Variants in RYR2 observed in about 807,000 individuals in gnomAD.
RYR2 encodes the protein ryanodine receptor 2, also known as cardiac muscle ryanodine receptor-calcium release channel.
In RYR2, 227 loss-of-function variants were observed where a neutral mutation model predicts 601.1. The observed-to-expected ratio is 0.38, with a 90% CI of 0.34 to 0.42. The LOEUF (loss-of-function observed/expected upper bound fraction) is 0.42. Ranked by LOEUF, RYR2 falls within the 10% of genes least tolerant of loss-of-function variation. RYR2 has a pLI of 1.00. For missense variants in RYR2, 4,646 were observed against 6,156.5 expected (o/e 0.75, Z 8.21); for synonymous variants, 2,223 against 2,175.1 (o/e 1.02, Z -0.61).
intron 2 of RYR2, among the ~76,000 whole-genome samples, chr1:237,275,119 C>A (rs564057934): frequency 2.0e-5 from 3 of 151,418 alleles, no homozygotes; most frequent in African/African-American, 7.3e-5. Flanking sequence ...CACATACACA[C>A]CGCACACATA....
intron 1 of RYR2, among the ~76,000 whole-genome samples, chr1:237,068,647 C>CA (rs967775585): frequency 1.3e-5 from 2 of 151,996 alleles, no homozygotes; most frequent in African/African-American, 2.4e-5. Context: ...CTGACTTTTG[C>CA]AAAAATGGGT....
chr1:237,826,852 G>C (rs12067535), intron 101 of RYR2, among the ~76,000 whole-genome samples: 13,957 of 152,132 alleles, frequency 0.092, 762 homozygotes, highest in Middle Eastern at 0.18. Flanking sequence ...TAAGTCTAAG[G>C]AACTTGGCCA....
Position 237,610,803 on chromosome 1 carries a change from C to A in RYR2, c.4725C>A (p.His1575Gln). ...CGGCGGGATTATTCAAGAGTGAGCACAAGAACCCCGTGCCGCAGTGCCCCC... is the reference window on the plus strand; with the variant it reads ...CGGCGGGATTATTCAAGAGTGAGCAAAAGAACCCCGTGCCGCAGTGCCCCC... ...PLSAGLFKSEHKNPVPQCPPR... is the reference protein window; with the variant it reads ...PLSAGLFKSEQKNPVPQCPPR... The change falls in exon 36 of 105, where the codon CAC becomes CAA. Residue 1575 changes from histidine (H) to glutamine (Q), a missense_variant. Physicochemically the swap from His to Gln is conservative, Grantham distance 24. Transcript: ENST00000366574. This position sits in a 1 kb window ranked among gnomAD's most constrained non-coding sequence, Gnocchi z 4.9. The A allele has an allele frequency of 6.2e-7, 1 of 1,610,482 alleles. No homozygotes were observed.
At chr1:237,192,974 A>G (rs1463357295) in intron 1 of RYR2, among the ~76,000 whole-genome samples, 1 of 152,030 alleles carries the variant, frequency 6.6e-6, no homozygotes. Context: ...TCCGTGGGCA[A>G]GGTAACACCT....
At chr1:237,414,517 T>G (rs2150015378) in intron 10 of RYR2, among the ~76,000 whole-genome samples, 1 of 152,288 alleles carries the variant, frequency 6.6e-6, no homozygotes, top group South Asian at 2.1e-4. Context: ...TATTATGGGG[T>G]AGAATACGAT....
chr1:237,471,889 T>C (rs1660767469), intron 17 of RYR2, among the ~76,000 whole-genome samples: 1 of 152,110 alleles, frequency 6.6e-6, no homozygotes, highest in Admixed American at 6.5e-5. Context: ...TCTAACATTC[T>C]TACTTTAGAG....
At chr1:237,395,686 ACAGGCACCCGCCACCACGCCTGG>A (rs1702787826) in intron 10 of RYR2, among the ~76,000 whole-genome samples, 1 of 151,606 alleles carries the variant, frequency 6.6e-6, no homozygotes, top group Non-Finnish European at 1.5e-5. Flanking sequence ...AGCTGGGACT[ACAGGCACCCGCCACCACGCCTGG>A]CTAATTTTTT....
intron 25 of RYR2, among the ~76,000 whole-genome samples, chr1:237,535,128 T>G (rs928086379): frequency 1.3e-5 from 2 of 151,838 alleles, no homozygotes; most frequent in Admixed American, 1.3e-4. Context: ...TATTAAAACA[T>G]GAATTGCATA....
At chr1:237,445,268 G>A in intron 13 of RYR2, 133 bp from the exon 14 acceptor site, 1 of 1,032,738 alleles carries the variant, frequency 9.7e-7, no homozygotes, top group African/African-American at 1.6e-5. Flanking sequence ...GAACGTAACA[G>A]CTTCACAGTC....
In RYR2 at chr1:237,419,590, GAGGGGAATAC is replaced by G. The variant is rs1415847265; in HGVS notation, c.848+2468_848+2477del. Among the ~76,000 whole-genome samples, 3 of 152,284 alleles carry G rather than the reference GAGGGGAATAC, an allele frequency of 2.0e-5. No homozygotes were observed. The East Asian group carries it at 5.8e-4, about 29-fold the overall frequency. On this transcript the variant is annotated intron_variant, in intron 11 of 104. Coordinates refer to ENST00000366574, the MANE Select transcript of RYR2 (RefSeq NM_001035.3). The stretch of plus-strand genomic sequence containing the variant: ...TGCTTCTCATAGTCCAGATGTCACT[GAGGGGAATAC>G]CACAGAGAAGGCAGAGCAGGTAGTT...
intron 70 of RYR2, among the ~76,000 whole-genome samples, chr1:237,710,706 G>GATAGATAGATAGATAGATAGATAGATAA (rs1159844898): frequency 6.6e-6 from 1 of 152,068 alleles, no homozygotes; most frequent in Non-Finnish European, 1.5e-5. Context: ...TATGTAGATA[G>GATAGATAGATAGATAGATAGATAGATAA]ATAGATAGAT....
At chr1:237,795,396 T>G in intron 96 of RYR2, 65 bp downstream of exon 96, 2 of 805,596 alleles carry the variant, frequency 2.5e-6, no homozygotes, top group Non-Finnish European at 2.0e-6. Context: ...TTTGATGTGA[T>G]TCAGATGTAG....
intron 10 of RYR2, among the ~76,000 whole-genome samples, chr1:237,398,961 A>G (rs573445988): frequency 6.6e-6 from 1 of 152,316 alleles, no homozygotes; most frequent in African/African-American, 2.4e-5. Flanking sequence ...TGGGAGGCCA[A>G]AGTCGGTGAA....
intron 23 of RYR2, among the ~76,000 whole-genome samples, chr1:237,508,176 G>T (rs1665463165): frequency 6.6e-6 from 1 of 152,050 alleles, no homozygotes; most frequent in Admixed American, 6.6e-5. Flanking sequence ...GGCCAGGCTG[G>T]TCTCGAACTC....
chr1:237,565,159 CTTTCTTTCTTTCTTT>C (rs1559035456), intron 27 of RYR2, among the ~76,000 whole-genome samples: 2 of 46,494 alleles, frequency 4.3e-5, no homozygotes, highest in African/African-American at 1.9e-4. Context: ...CTTTCTTTCT[CTTTCTTTCTTTCTTT>C]CTTTCTTTCT....
At chr1:237,248,009 T>C (rs540453128) in intron 1 of RYR2, among the ~76,000 whole-genome samples, 11 of 152,106 alleles carry the variant, frequency 7.2e-5, no homozygotes, top group East Asian at 1.9e-4. Flanking sequence ...CACGGTGGCT[T>C]ATGCCTATAA....
intron 2 of RYR2, among the ~76,000 whole-genome samples, chr1:237,320,464 T>C (rs1163121026): frequency 2.0e-5 from 3 of 152,170 alleles, no homozygotes; most frequent in Non-Finnish European, 4.4e-5. Flanking sequence ...TTTTTTGTGT[T>C]CCATTAGCTT....
intron 27 of RYR2, among the ~76,000 whole-genome samples, chr1:237,556,419 G>GCC (rs1670884222): frequency 6.6e-6 from 1 of 150,992 alleles, no homozygotes; most frequent in Non-Finnish European, 1.5e-5. Context: ...CCCTGCCTCA[G>GCC]CCTCCCGAGT....
At chr1:237,788,274 T>G (rs1657901988) in intron 92 of RYR2, 139 bp downstream of exon 92, 1 of 636,730 alleles carries the variant, frequency 1.6e-6, no homozygotes, top group African/African-American at 1.8e-5. Flanking sequence ...ATTTGCTCAT[T>G]GTAGTGTGTT....
Sources: allele counts gnomAD v4.1 joint callset (sites outside exome capture counted in the v4.1 genomes callset), GRCh38; gene constraint gnomAD v4.1.1; non-coding constraint Gnocchi (gnomAD v3.1); transcripts MANE v1.5; gene names NCBI Gene and HGNC (gene_info 2026-07-23, HGNC 2026-07-21).